Variants in RPL18 observed in about 807,000 individuals in gnomAD.
The protein encoded by RPL18 is large ribosomal subunit protein eL18.
RPL18 carries 4 observed loss-of-function variants against 25.0 expected under a neutral mutation model. That is an observed-to-expected ratio of 0.16 (90% CI 0.08 to 0.37). The LOEUF (loss-of-function observed/expected upper bound fraction) is 0.37, where lower values mean the gene tolerates loss of function less well. RPL18 is among the 10% of genes least tolerant of loss of function. The pLI, the probability that RPL18 is intolerant of heterozygous loss-of-function variation, is 1.00. For synonymous variants in RPL18, 129 were observed against 101.6 expected (o/e 1.27, Z -1.62); for missense variants, 179 against 267.9 (o/e 0.67, Z 2.32).
chr19:48,618,910 CCAGTCATAT>C (rs1974279683), intron 1 of RPL18: 3 of 564,706 alleles, frequency 5.3e-6, no homozygotes, highest in Non-Finnish European at 9.4e-6. Context: ...CTTTGTAAAC[CCAGTCATAT>C]CAGCCTCCGA....
intron 6 of RPL18, 56 bp downstream of exon 6, chr19:48,615,821 C>T: frequency 6.7e-7 from 1 of 1,494,766 alleles, no homozygotes; most frequent in East Asian, 2.4e-5. Context: ...TGTGGCCAGG[C>T]CTGGCCCTGC....
chr19:48,615,729 GA>G, intron 6 of RPL18, 147 bp downstream of exon 6: 4 of 743,934 alleles, frequency 5.4e-6, no homozygotes, highest in Non-Finnish European at 4.6e-6. Flanking sequence ...GTGTTGAAGG[GA>G]AAAGCAGGCA....
rs1216783040 is a variant in RPL18 at position 48,617,898 on chromosome 19, C to T, written c.4-21G>A. On this transcript the variant is annotated intron_variant, in intron 1 of 6. Transcript: ENST00000549920. ...ACTCCCTGTGGGGGTGAAGAGGCAA[C>T]CATGGACCCAATTACCCCCAACCAT... 2.5e-6 allele frequency: 4 copies of T among 1,573,596 alleles called. 1 individual carries two copies. Among genetic ancestry groups the T allele is most frequent in the Middle Eastern group, 1.7e-4 (1 of 5,994 alleles).
chr19:48,617,980 C>T, intron 1 of RPL18, 103 bp from the exon 2 acceptor site: 1 of 826,098 alleles, frequency 1.2e-6, no homozygotes, highest in Non-Finnish European at 2.0e-6. Flanking sequence ...CAGGTCTGAA[C>T]ACACCAGCTC....
Position 48,616,752 on chromosome 19 carries a change from G to A in RPL18, c.271C>T (p.Arg91Trp). The change falls in exon 4 of 7, where the codon CGG (arginine) becomes TGG (tryptophan). Residue 91 changes from arginine (R) to tryptophan (W), a missense_variant. Physicochemically the swap from Arg to Trp is moderately radical, Grantham distance 101. Transcript: ENST00000549920. Reference sequence around the variant, plus strand: ...TTCAGTTTGGGTACCTCCTGAACCCGCACATCATCAGTTATGGTCCCCACA... The same window carrying A: ...TTCAGTTTGGGTACCTCCTGAACCCACACATCATCAGTTATGGTCCCCACA... ...VVVGTITDDV[R>W]VQEVPKLKVC... The A allele has an allele frequency of 3.1e-6, 5 of 1,613,620 alleles. No homozygotes were observed. Among genetic ancestry groups the A allele is most frequent in the Non-Finnish European group, 4.2e-6 (5 of 1,179,608 alleles).
At position 48,616,091 on chromosome 19, in the gene RPL18, C is replaced by T. The variant is rs374370198; in HGVS notation, c.409G>A (p.Val137Ile). The change falls in exon 5 of 7, where the codon GTC (valine) becomes ATC (isoleucine). Residue 137 changes from valine (V) to isoleucine (I), a missense_variant. Physicochemically the swap from Val to Ile is conservative, Grantham distance 29 (BLOSUM62 3). Coordinates refer to ENST00000549920, the MANE Select transcript of RPL18 (RefSeq NM_000979.4). Reference protein sequence around the residue: ...ALDSPKGCGTVLLSGPRKGRE... With the variant: ...ALDSPKGCGTILLSGPRKGRE... ...ACGTATCACTCACCGGAGAGCAGGACAGTGCCACAGCCCTTAGGGGAGTCC... is the reference window on the plus strand; with the variant it reads ...ACGTATCACTCACCGGAGAGCAGGATAGTGCCACAGCCCTTAGGGGAGTCC... The T allele has an allele frequency of 1.2e-6, 2 of 1,614,210 alleles. No homozygotes were observed. The highest frequency in any genetic ancestry group is 1.7e-6 in the Non-Finnish European group (2 of 1,180,020).
At chr19:48,617,566 G>A in intron 2 of RPL18, 143 bp from the exon 3 acceptor site, 1 of 730,592 alleles carries the variant, frequency 1.4e-6, no homozygotes. Flanking sequence ...GAGAAAGCTG[G>A]CCCAGGTCCT....
chr19:48,618,712 C>CA (rs1422553532), intron 1 of RPL18: 3 of 226,522 alleles, frequency 1.3e-5, no homozygotes, highest in Non-Finnish European at 1.8e-5. Flanking sequence ...GCCTGAGACT[C>CA]AGAGACCTGC....
At chr19:48,619,016 AG>A in intron 1 of RPL18, 124 bp downstream of exon 1, 1 of 981,220 alleles carries the variant, frequency 1.0e-6, no homozygotes. Context: ...GTAGGTCCCC[AG>A]TATCGGGAAT....
At chr19:48,617,106 C>T (rs1207502125) in intron 3 of RPL18, 1 of 708,092 alleles carries the variant, frequency 1.4e-6, no homozygotes, top group Admixed American at 2.0e-5. Context: ...ACCTCCACCT[C>T]ACAAAGAGAA....
In RPL18 at chr19:48,617,699, C is replaced by T. The variant is rs938558250; in HGVS notation, c.90+92G>A. The T allele has an allele frequency of 3.2e-5, 32 of 999,206 alleles. No homozygotes were observed. The African/African-American group carries it at 3.8e-4, about 12-fold the overall frequency. 61.9% of individuals were successfully genotyped at this position (999,206 alleles called of 1,614,324 possible). A position where few individuals can be genotyped will look rare whatever the true frequency, so the allele number is the denominator to read the frequency against. On this transcript the variant is annotated intron_variant, in intron 2 of 6. Coordinates refer to ENST00000549920, the MANE Select transcript of RPL18 (RefSeq NM_000979.4). ...GAGACCCGAGACTGCTCTGCAGGCCCCTGGGAGGAGCTTGGTGCCAGCACT... is the reference window on the plus strand; with the variant it reads ...GAGACCCGAGACTGCTCTGCAGGCCTCTGGGAGGAGCTTGGTGCCAGCACT...
intron 3 of RPL18, 38 bp from the exon 4 acceptor site, chr19:48,616,862 G>C (rs1379805106): frequency 2.0e-6 from 3 of 1,511,656 alleles, no homozygotes; most frequent in African/African-American, 1.4e-5. Flanking sequence ...AGTTGTTCTG[G>C]TGTTTACATT....
chr19:48,615,589 G>T, intron 6 of RPL18, 142 bp from the exon 7 acceptor site: 1 of 746,158 alleles, frequency 1.3e-6, no homozygotes, highest in South Asian at 1.7e-5. Context: ...GGAAGCCAAG[G>T]AGCCAGGAGG....
chr19:48,616,566 C>A, intron 4 of RPL18, 160 bp downstream of exon 4: 1 of 725,650 alleles, frequency 1.4e-6, no homozygotes. Context: ...ATGCCAGAGA[C>A]GACCCACACC....
intron 1 of RPL18, 59 bp downstream of exon 1, chr19:48,619,082 C>T: frequency 6.4e-7 from 1 of 1,562,396 alleles, no homozygotes. Context: ...GCCCCTAGCC[C>T]AAAACCACGG....
intron 1 of RPL18, chr19:48,618,855 G>A (rs1974276658): frequency 1.9e-6 from 1 of 520,590 alleles, no homozygotes; most frequent in Non-Finnish European, 3.4e-6. Context: ...GAGTGGCTGC[G>A]GGTCCAGCCA....
intron 4 of RPL18, 111 bp downstream of exon 4, chr19:48,616,615 C>G (rs756597112): frequency 1.2e-6 from 1 of 830,316 alleles, no homozygotes; most frequent in Non-Finnish European, 2.1e-6. Flanking sequence ...ATGCTTGCCT[C>G]ACCAGCGGTG....
At chr19:48,617,536 C>G in intron 2 of RPL18, 113 bp from the exon 3 acceptor site, 1 of 864,998 alleles carries the variant, frequency 1.2e-6, no homozygotes, top group Admixed American at 2.3e-5. Flanking sequence ...TCCCTTTCCC[C>G]CAACCCACCG....
At chr19:48,617,146 G>A (rs775104613) in intron 3 of RPL18, 170 bp downstream of exon 3, 1 of 744,686 alleles carries the variant, frequency 1.3e-6, no homozygotes, top group Non-Finnish European at 2.4e-6. Context: ...CTTGCCCACT[G>A]CCCATGGACA....
Sources: allele counts gnomAD v4.1 joint callset, GRCh38; gene constraint gnomAD v4.1.1; transcripts MANE v1.5; gene names NCBI Gene and HGNC (gene_info 2026-07-23, HGNC 2026-07-21).